ITPR1: variants seen among roughly 807,000 people sequenced by gnomAD.
The protein encoded by ITPR1 is inositol 1,4,5-trisphosphate receptor type 1.
In ITPR1, 96 loss-of-function variants were observed where a neutral mutation model predicts 318.4. That is an observed-to-expected ratio of 0.30 (90% CI 0.26 to 0.36). ITPR1 has a LOEUF of 0.36. ITPR1 is among the 10% of genes least tolerant of loss of function. The probability of loss-of-function intolerance (pLI) is 1.00; values close to 1 mark genes in which losing one functional copy is unlikely to be tolerated. For missense variants in ITPR1, 2,440 were observed against 3,460.2 expected (o/e 0.71, Z 7.40); for synonymous variants, 1,312 against 1,289.9 (o/e 1.02, Z -0.37).
In ITPR1 at chr3:4,722,260, G is replaced by T. The variant is rs182268472; in HGVS notation, c.5137-3286G>T. Among the ~76,000 whole-genome samples, 628 of 152,334 alleles carry T rather than the reference G, an allele frequency of 4.1e-3. 17 individuals carry two copies. Among genetic ancestry groups the T allele is most frequent in the Admixed American group, 0.038 (575 of 15,302 alleles). ...TATGAAGAGGCAGTAGAGGGCACTA[G>T]TTGGTTTCTCAGTTCAAAACCAGAG... On this transcript the variant is annotated intron_variant, in intron 40 of 61. Transcript: ENST00000649015.
At chr3:4,687,815 AC>A (rs1368938050) in intron 30 of ITPR1, among the ~76,000 whole-genome samples, 1 of 152,222 alleles carries the variant, frequency 6.6e-6, no homozygotes, top group Non-Finnish European at 1.5e-5. Context: ...TGATGGGAAA[AC>A]TAAGTCTGAG....
At chr3:4,619,759 TCCTCTCTTCTGCCCTCCCC>T (rs2092547835) in intron 4 of ITPR1, among the ~76,000 whole-genome samples, 1 of 62,738 alleles carries the variant, frequency 1.6e-5, no homozygotes, top group Admixed American at 1.7e-4. Context: ...TGCCCTCCCC[TCCTCTCTTCTGCCCTCCCC>T]TGCTCTCCTC....
intron 4 of ITPR1, among the ~76,000 whole-genome samples, chr3:4,562,619 G>A (rs1485352369): frequency 6.6e-6 from 1 of 151,992 alleles, no homozygotes; most frequent in Non-Finnish European, 1.5e-5. Context: ...TGTATGTTGA[G>A]ATTTTCCAGG....
At chr3:4,653,787 C>T (rs1185310939) in intron 11 of ITPR1, 55 bp from the exon 12 acceptor site, 1 of 1,338,840 alleles carries the variant, frequency 7.5e-7, no homozygotes, top group Non-Finnish European at 1.1e-6. Context: ...AAGTGGGGCC[C>T]AGTCCTTAAG....
intron 60 of ITPR1, among the ~76,000 whole-genome samples, chr3:4,822,648 A>C (rs1305985546): frequency 6.6e-6 from 1 of 152,168 alleles, no homozygotes; most frequent in East Asian, 1.9e-4. Context: ...CCTCAGATTA[A>C]TCATGAAATC....
chr3:4,534,841 G>A (rs537357310), intron 4 of ITPR1, among the ~76,000 whole-genome samples: 2 of 152,164 alleles, frequency 1.3e-5, no homozygotes, highest in Non-Finnish European at 2.9e-5. Flanking sequence ...TCCCAGAATC[G>A]TGGCATTTGA....
intron 52 of ITPR1, among the ~76,000 whole-genome samples, chr3:4,793,361 T>TC (rs1420303532): frequency 4.6e-5 from 7 of 152,142 alleles, no homozygotes; most frequent in Non-Finnish European, 7.4e-5. Context: ...ATCCTTTTCT[T>TC]CCCCCCAACT....
At chr3:4,830,133 C>T (rs2050377294) in intron 60 of ITPR1, among the ~76,000 whole-genome samples, 1 of 151,614 alleles carries the variant, frequency 6.6e-6, no homozygotes, top group South Asian at 2.1e-4. Flanking sequence ...GCCACCATGC[C>T]CAGCTAATTT....
chr3:4,726,233 T>C (rs2042504339), intron 41 of ITPR1, among the ~76,000 whole-genome samples: 2 of 152,024 alleles, frequency 1.3e-5, no homozygotes, highest in Admixed American at 1.3e-4. Flanking sequence ...TTTTGCCGTG[T>C]TGGCCAGCCT....
At chr3:4,771,446 C>T (rs2046177510) in intron 46 of ITPR1, among the ~76,000 whole-genome samples, 1 of 152,200 alleles carries the variant, frequency 6.6e-6, no homozygotes, top group South Asian at 2.1e-4. Context: ...GCCTGCTCCG[C>T]CTTCCCTCTC....
intron 52 of ITPR1, among the ~76,000 whole-genome samples, chr3:4,789,092 C>T (rs1230080413): frequency 6.6e-6 from 1 of 152,318 alleles, no homozygotes; most frequent in South Asian, 2.1e-4. Context: ...CAAGAAGGTT[C>T]GCCCAAAGGT....
At chr3:4,706,398 G>A in intron 37 of ITPR1, 47 bp downstream of exon 37, 1 of 1,517,368 alleles carries the variant, frequency 6.6e-7, no homozygotes, top group Admixed American at 1.8e-5. Flanking sequence ...GGCCTCACGT[G>A]ATTGCCACAC....
At chr3:4,673,408 C>A in intron 21 of ITPR1, 21 bp downstream of exon 21, 1 of 1,584,112 alleles carries the variant, frequency 6.3e-7, no homozygotes, top group South Asian at 1.2e-5. Context: ...CACCTGAAAA[C>A]CTCACTTTAC....
chr3:4,580,278 G>T (rs1222704596), intron 4 of ITPR1, among the ~76,000 whole-genome samples: 3 of 152,154 alleles, frequency 2.0e-5, no homozygotes, highest in Admixed American at 2.0e-4. Context: ...CTTGATGGAG[G>T]ATATTAACAT....
chr3:4,821,559 A>G (rs2049719939), intron 60 of ITPR1, among the ~76,000 whole-genome samples: 1 of 152,230 alleles, frequency 6.6e-6, no homozygotes, highest in East Asian at 1.9e-4. Context: ...TGACTTGGAA[A>G]GAATGACATT....
chr3:4,561,437 G>T (rs1182704245), intron 4 of ITPR1, among the ~76,000 whole-genome samples: 1 of 152,128 alleles, frequency 6.6e-6, no homozygotes, highest in Non-Finnish European at 1.5e-5. Flanking sequence ...TTTTTCTTTG[G>T]CAGGTGGGGA....
chr3:4,765,126 C>T (rs570692578), intron 44 of ITPR1, among the ~76,000 whole-genome samples: 13 of 152,092 alleles, frequency 8.5e-5, no homozygotes, highest in Non-Finnish European at 1.5e-4. Context: ...TACAGACTTA[C>T]CTTGGTTCCA....
At chr3:4,843,275 AT>A (rs2051502653) in intron 61 of ITPR1, among the ~76,000 whole-genome samples, 1 of 152,286 alleles carries the variant, frequency 6.6e-6, no homozygotes, top group African/African-American at 2.4e-5. Context: ...TGCCTACTAT[AT>A]GCTCAGTTGC....
chr3:4,558,790 C>G (rs1363193680), intron 4 of ITPR1, among the ~76,000 whole-genome samples: 3 of 151,990 alleles, frequency 2.0e-5, no homozygotes, highest in Non-Finnish European at 4.4e-5. Context: ...CTAGCCTTAA[C>G]AGTATTCCAC....
Sources: gnomAD v4.1 joint callset for allele counts (sites outside exome capture counted in the v4.1 genomes callset) on GRCh38, gnomAD v4.1.1 for gene constraint, MANE v1.5 for transcripts, NCBI Gene and HGNC (gene_info 2026-07-23, HGNC 2026-07-21) for gene names.